ARID1B: variants seen among roughly 807,000 people sequenced by gnomAD.
ARID1B encodes AT-rich interactive domain-containing protein 1B.
A neutral mutation model predicts 212.3 loss-of-function variants in ARID1B; 30 were observed. The ratio of observed to expected loss-of-function variants is 0.14; its 90% CI spans 0.11 to 0.19. The LOEUF (loss-of-function observed/expected upper bound fraction) is 0.19, where lower values mean the gene tolerates loss of function less well. ARID1B is among the 10% of genes least tolerant of loss of function. The pLI is 1.00. For missense variants in ARID1B, 2,891 were observed against 3,204.0 expected, an observed-to-expected ratio of 0.90 and a Z score of 2.36; for synonymous variants, 1,402 against 1,301.7, an observed-to-expected ratio of 1.08 and a Z score of -1.66.
chr6:156,778,024 C>G lies in ARID1B; in HGVS notation c.344C>G (p.Ala115Gly), dbSNP rs935320680. 5 of 1,534,450 alleles carry G rather than the reference C, an allele frequency of 3.3e-6. No homozygotes were observed. Among genetic ancestry groups the G allele is most frequent in the Middle Eastern group, 1.9e-4 (1 of 5,282 alleles). Residue 115 changes from alanine (A) to glycine (G), a missense_variant, in exon 1 of 20, where the codon GCC (alanine) becomes GGC (glycine). Ala to Gly is a moderately conservative substitution (Grantham distance 60). Coordinates refer to ENST00000636930, the MANE Select transcript of ARID1B (RefSeq NM_001374828.1). ...EAALKEGGSA[A>G]ALSSSSSSSA... Reference sequence around the variant, plus strand: ...GCTCTCAAGGAGGGTGGAAGCGCCGCCGCGCTGTCCTCCTCCTCCTCCTCC... The same window carrying G: ...GCTCTCAAGGAGGGTGGAAGCGCCGGCGCGCTGTCCTCCTCCTCCTCCTCC...
intron 7 of ARID1B, among the ~76,000 whole-genome samples, chr6:157,142,227 G>A (rs1789412795): frequency 6.6e-6 from 1 of 152,200 alleles, no homozygotes; most frequent in South Asian, 2.1e-4. Context: ...ACTTATAGAA[G>A]GGGAAGAGGG....
chr6:157,127,598 G>A (rs183964512), intron 6 of ARID1B, among the ~76,000 whole-genome samples: 79 of 150,968 alleles, frequency 5.2e-4, no homozygotes, highest in Middle Eastern at 3.4e-3. Context: ...GGTGAAACCC[G>A]GTCTCTACTA....
chr6:156,876,101 T>TG (rs1462873443), intron 2 of ARID1B, among the ~76,000 whole-genome samples: 4 of 152,238 alleles, frequency 2.6e-5, no homozygotes, highest in African/African-American at 9.6e-5. Flanking sequence ...GTTGTATCTC[T>TG]GGATGATAGT....
At chr6:157,055,962 C>T (rs1387465197) in intron 4 of ARID1B, among the ~76,000 whole-genome samples, 5 of 152,188 alleles carry the variant, frequency 3.3e-5, no homozygotes, top group African/African-American at 1.2e-4. Context: ...AGGAGATTTG[C>T]ATTCAATCTC....
At position 157,184,717 on chromosome 6, in the gene ARID1B, C is replaced by T. The variant is rs1056077780; in HGVS notation, c.3919+282C>T. On this transcript the variant is annotated intron_variant, in intron 13 of 19. Coordinates refer to ENST00000636930, the MANE Select transcript of ARID1B (RefSeq NM_001374828.1). ...AGGCTTTCGAATTCTAAGCCATATACGTTTATTGCTTATACAAGTATTCAA... is the reference window on the plus strand; with the variant it reads ...AGGCTTTCGAATTCTAAGCCATATATGTTTATTGCTTATACAAGTATTCAA... 6.1e-5 allele frequency: 30 copies of T among 491,780 alleles called. No homozygotes were observed. In the Admixed American group the frequency reaches 6.4e-4, roughly 10 times the overall value. 30.5% of individuals were successfully genotyped at this position (491,780 alleles called of 1,614,324 possible).
intron 8 of ARID1B, among the ~76,000 whole-genome samples, chr6:157,162,587 G>C (rs564411452): frequency 4.6e-5 from 7 of 152,274 alleles, no homozygotes; most frequent in Non-Finnish European, 8.8e-5. Context: ...TAATAACCTG[G>C]CTTTGCTTAT....
intron 5 of ARID1B, among the ~76,000 whole-genome samples, chr6:157,106,681 C>A (rs916472173): frequency 3.3e-5 from 5 of 152,202 alleles, no homozygotes; most frequent in African/African-American, 1.2e-4. Flanking sequence ...CAGCCCATCA[C>A]TTTCTTCACA....
intron 5 of ARID1B, among the ~76,000 whole-genome samples, chr6:157,103,780 A>T (rs1025360643): frequency 1.3e-5 from 2 of 151,888 alleles, no homozygotes; most frequent in African/African-American, 4.8e-5. Flanking sequence ...AAAATAATGT[A>T]TCATAAGTGG....
intron 11 of ARID1B, among the ~76,000 whole-genome samples, chr6:157,179,215 C>T (rs1792333198): frequency 6.6e-6 from 1 of 152,014 alleles, no homozygotes; most frequent in African/African-American, 2.4e-5. Context: ...TAGAAACCTC[C>T]TAATAATAAC....
chr6:157,064,960 C>G (rs572577772), intron 4 of ARID1B, among the ~76,000 whole-genome samples: 1 of 152,168 alleles, frequency 6.6e-6, no homozygotes, highest in Non-Finnish European at 1.5e-5. Flanking sequence ...AAAAGACACT[C>G]CATTTTCAAG....
At chr6:157,137,310 A>ACAT (rs1788996646) in intron 7 of ARID1B, among the ~76,000 whole-genome samples, 1 of 152,268 alleles carries the variant, frequency 6.6e-6, no homozygotes, top group South Asian at 2.1e-4. Flanking sequence ...ACTTAATTAC[A>ACAT]GTATATTTTA....
intron 4 of ARID1B, among the ~76,000 whole-genome samples, chr6:157,015,579 A>T (rs1345164292): frequency 6.6e-6 from 1 of 152,200 alleles, no homozygotes; most frequent in Non-Finnish European, 1.5e-5. Context: ...CATGAGGAAG[A>T]TAATACTTTT....
intron 1 of ARID1B, among the ~76,000 whole-genome samples, chr6:156,812,224 C>T (rs1449690329): frequency 6.6e-6 from 1 of 152,192 alleles, no homozygotes; most frequent in East Asian, 1.9e-4. Flanking sequence ...CTCAACCTCC[C>T]AGGCTCAAGT....
intron 11 of ARID1B, among the ~76,000 whole-genome samples, chr6:157,180,129 A>G (rs1039274034): frequency 6.6e-6 from 1 of 152,204 alleles, no homozygotes; most frequent in African/African-American, 2.4e-5. Context: ...GAAGAGATAC[A>G]GTTGGCCCGC....
chr6:156,959,436 A>G (rs1206585263), intron 4 of ARID1B, among the ~76,000 whole-genome samples: 1 of 151,890 alleles, frequency 6.6e-6, no homozygotes, highest in Non-Finnish European at 1.5e-5. Flanking sequence ...TCCTCCCCCA[A>G]TTTTTTATCT....
At chr6:156,987,061 G>A (rs546844205) in intron 4 of ARID1B, among the ~76,000 whole-genome samples, 4 of 151,746 alleles carry the variant, frequency 2.6e-5, no homozygotes, top group East Asian at 3.9e-4. Context: ...GCCTGTCGTC[G>A]CAGCTGCTCA....
chr6:156,781,700 T>C (rs555987306), intron 1 of ARID1B, among the ~76,000 whole-genome samples: 10 of 152,246 alleles, frequency 6.6e-5, no homozygotes, highest in African/African-American at 2.4e-4. Context: ...GATTTCAACT[T>C]GTTTTTGATT....
chr6:157,098,821 C>T (rs1285892447), intron 5 of ARID1B, among the ~76,000 whole-genome samples: 2 of 152,198 alleles, frequency 1.3e-5, no homozygotes, highest in Non-Finnish European at 2.9e-5. Flanking sequence ...TGCCAGCCGC[C>T]ACCCTGAGAG....
Position 157,208,424 on chromosome 6 carries a change from G to C in ARID1B, c.*533G>C. The C allele has an allele frequency of 4.3e-6, 1 of 233,498 alleles. No individual in the cohort carries two copies. The highest frequency in any genetic ancestry group is 8.5e-6 in the Non-Finnish European group (1 of 117,970). The allele number at this position is 233,498 out of a possible 1,614,324, so 14.5% of individuals were successfully genotyped here. ...AGATACAGGTATAGGGGCTCAAGGAGGTATGTCGGTCAGTAGTCAAAACTA... is the reference window on the plus strand; with the variant it reads ...AGATACAGGTATAGGGGCTCAAGGACGTATGTCGGTCAGTAGTCAAAACTA... On this transcript the variant is annotated 3_prime_UTR_variant, in exon 20 of 20. Coordinates refer to ENST00000636930, the MANE Select transcript of ARID1B (RefSeq NM_001374828.1).
Sources: allele counts gnomAD v4.1 joint callset (sites outside exome capture counted in the v4.1 genomes callset), GRCh38; gene constraint gnomAD v4.1.1; transcripts MANE v1.5; gene names NCBI Gene and HGNC (gene_info 2026-07-23, HGNC 2026-07-21).